Variants in NMNAT3 observed in about 807,000 individuals in gnomAD.
NMNAT3 encodes the protein nicotinamide nucleotide adenylyltransferase 3.
A neutral mutation model predicts 24.8 loss-of-function variants in NMNAT3; 21 were observed. The ratio of observed to expected loss-of-function variants is 0.85; its 90% CI spans 0.60 to 1.22. The LOEUF is 1.22. Ranked by LOEUF, NMNAT3 falls within the 50% of genes most tolerant of loss-of-function variation. The pLI is 0.00. For missense variants in NMNAT3, 387 were observed against 436.6 expected (o/e 0.89, Z 1.01); for synonymous variants, 136 against 155.2 (o/e 0.88, Z 0.92).
At chr3:139,661,537 G>A (rs984086663) in intron 1 of NMNAT3, among the ~76,000 whole-genome samples, 2 of 152,062 alleles carry the variant, frequency 1.3e-5, no homozygotes, top group African/African-American at 4.8e-5. Flanking sequence ...CAGGTGTGTT[G>A]GTGTATGCCT....
At chr3:139,584,179 C>G (rs1377683878) in intron 3 of NMNAT3, 1 of 152,892 alleles carries the variant, frequency 6.5e-6, no homozygotes, top group African/African-American at 2.4e-5. Context: ...GTATGCCTAA[C>G]TAATTAATTT....
chr3:139,576,476 G>T (rs950123301), intron 5 of NMNAT3, among the ~76,000 whole-genome samples: 1 of 151,880 alleles, frequency 6.6e-6, no homozygotes, highest in Non-Finnish European at 1.5e-5. Flanking sequence ...CAAAATCTCT[G>T]GGGTGGGTGG....
intron 2 of NMNAT3, among the ~76,000 whole-genome samples, chr3:139,629,231 C>T (rs2056186347): frequency 6.6e-6 from 1 of 152,118 alleles, no homozygotes; most frequent in Admixed American, 6.5e-5. Flanking sequence ...GTGGAGATGC[C>T]CATGGGCCCA....
chr3:139,673,056 C>T (rs1267812160), intron 1 of NMNAT3, among the ~76,000 whole-genome samples: 1 of 152,144 alleles, frequency 6.6e-6, no homozygotes, highest in East Asian at 1.9e-4. Flanking sequence ...CTTCTTTCCT[C>T]TCAGACAGCA....
At chr3:139,570,059 T>C (rs1034326404) in intron 6 of NMNAT3, 6 of 152,350 alleles carry the variant, frequency 3.9e-5, no homozygotes, top group African/African-American at 1.4e-4. Flanking sequence ...CTCTTTTTCC[T>C]CTAAACTTCT....
At chr3:139,567,652 T>G (rs1236496201) in intron 6 of NMNAT3, 1 of 152,262 alleles carries the variant, frequency 6.6e-6, no homozygotes, top group African/African-American at 2.4e-5. Context: ...TTTATTGATT[T>G]GCATATGTTG....
At chr3:139,574,969 A>G (rs1399898156) in intron 5 of NMNAT3, among the ~76,000 whole-genome samples, 3 of 152,176 alleles carry the variant, frequency 2.0e-5, no homozygotes, top group Non-Finnish European at 4.4e-5. Context: ...AGAATGAGGG[A>G]TAACGGCAGA....
intron 3 of NMNAT3, among the ~76,000 whole-genome samples, chr3:139,625,779 T>C (rs1250357797): frequency 6.6e-6 from 1 of 152,188 alleles, no homozygotes; most frequent in East Asian, 1.9e-4. Context: ...TTCTGTTTGG[T>C]ATTATTTTCC....
intron 5 of NMNAT3, among the ~76,000 whole-genome samples, chr3:139,576,860 A>C (rs1939386286): frequency 6.6e-6 from 1 of 152,170 alleles, no homozygotes; most frequent in Non-Finnish European, 1.5e-5. Context: ...GTTGGAGACC[A>C]GCCTGGCCAA....
intron 1 of NMNAT3, among the ~76,000 whole-genome samples, chr3:139,657,599 G>C (rs555011919): frequency 6.6e-6 from 1 of 151,846 alleles, no homozygotes; most frequent in African/African-American, 2.4e-5. Context: ...GGTCTTCTGT[G>C]GTGGGGAGTC....
chr3:139,645,250 A>G (rs2056832902), intron 1 of NMNAT3, among the ~76,000 whole-genome samples: 1 of 152,180 alleles, frequency 6.6e-6, no homozygotes, highest in Non-Finnish European at 1.5e-5. Flanking sequence ...TAGTTGGAGA[A>G]TGATGGGAAG....
chr3:139,660,463 T>C (rs536235951), intron 1 of NMNAT3, among the ~76,000 whole-genome samples: 67 of 152,318 alleles, frequency 4.4e-4, no homozygotes, highest in African/African-American at 1.6e-3. Flanking sequence ...GAAAATGTGA[T>C]GAGTTTGCAG....
chr3:139,612,491 C>T (rs901947318), intron 3 of NMNAT3, among the ~76,000 whole-genome samples: 1 of 152,182 alleles, frequency 6.6e-6, no homozygotes, highest in Non-Finnish European at 1.5e-5. Flanking sequence ...GAGTTGTATT[C>T]TCCCTGTATT....
intron 3 of NMNAT3, among the ~76,000 whole-genome samples, chr3:139,621,464 C>A (rs906072032): frequency 1.3e-4 from 20 of 152,166 alleles, no homozygotes; most frequent in African/African-American, 4.3e-4. Flanking sequence ...GCAAGCCACC[C>A]AGGTTCAACT....
At chr3:139,627,792 G>GT in intron 2 of NMNAT3, 28 bp from the exon 4 acceptor site, 1 of 851,750 alleles carries the variant, frequency 1.2e-6, no homozygotes, top group Non-Finnish European at 1.8e-6. Context: ...GCTCATGTCA[G>GT]GGAGTTAGCA....
At chr3:139,577,141 A>T (rs1939443323) in intron 5 of NMNAT3, among the ~76,000 whole-genome samples, 1 of 152,038 alleles carries the variant, frequency 6.6e-6, no homozygotes, top group Non-Finnish European at 1.5e-5. Flanking sequence ...AAAAAAATTA[A>T]AAAGAAAATG....
At chr3:139,668,216 G>A (rs2057647782) in intron 1 of NMNAT3, among the ~76,000 whole-genome samples, 1 of 152,222 alleles carries the variant, frequency 6.6e-6, no homozygotes, top group Admixed American at 6.5e-5. Context: ...GGTGGGGCAT[G>A]GTCTGAGGTG....
intron 3 of NMNAT3, among the ~76,000 whole-genome samples, chr3:139,611,827 C>T (rs1576642728): frequency 6.6e-6 from 1 of 152,324 alleles, no homozygotes; most frequent in East Asian, 1.9e-4. Context: ...ATCAAGAGAA[C>T]TAGTACTCTT....
chr3:139,648,109 G>A lies in NMNAT3; in HGVS notation c.-140-10047C>T, dbSNP rs138687072. 1.3e-3 allele frequency among the ~76,000 whole-genome samples: 204 copies of A among 152,320 alleles called. 1 individual carries two copies. The highest frequency in any genetic ancestry group is 4.5e-3 in the African/African-American group (186 of 41,582). On this transcript the variant is annotated intron_variant, in intron 1 of 6. Transcript: ENST00000643695. ...CACCACATGTTGAGGGAGGGATCTG[G>A]TGGGAGGTGAGTGGATCCTGGGGGG...
Sources: gnomAD v4.1 joint callset for allele counts (sites outside exome capture counted in the v4.1 genomes callset) on GRCh38, gnomAD v4.1.1 for gene constraint, MANE v1.5 for transcripts, NCBI Gene and HGNC (gene_info 2026-07-23, HGNC 2026-07-21) for gene names.